PDE3B: variants seen among roughly 807,000 people sequenced by gnomAD.
The protein encoded by PDE3B is phosphodiesterase 3B.
Under a neutral mutation model 116.8 loss-of-function variants are expected in PDE3B, and 66 were observed. The ratio of observed to expected loss-of-function variants is 0.56; its 90% CI spans 0.46 to 0.69. The LOEUF is 0.69. PDE3B is among the 30% of genes least tolerant of loss of function. PDE3B has a pLI of 0.00. For missense variants in PDE3B, 1,384 were observed against 1,368.1 expected (o/e 1.01, Z -0.18); for synonymous variants, 595 against 533.6 (o/e 1.12, Z -1.59).
intron 1 of PDE3B, among the ~76,000 whole-genome samples, chr11:14,656,456 G>T (rs1395553198): frequency 6.6e-6 from 1 of 152,120 alleles, no homozygotes; most frequent in Non-Finnish European, 1.5e-5. Flanking sequence ...GTGAAGAAAA[G>T]AACTGTGGGT....
chr11:14,878,951 T>C, the PDE3B span, among the ~76,000 whole-genome samples: 1 of 152,154 alleles, frequency 6.6e-6, no homozygotes, highest in Non-Finnish European at 1.5e-5. Context: ...AAACAGATGT[T>C]AATTACTTCC....
intron 1 of PDE3B, among the ~76,000 whole-genome samples, chr11:14,677,927 A>G (rs751832470): frequency 2.0e-5 from 3 of 152,054 alleles, no homozygotes; most frequent in Non-Finnish European, 4.4e-5. Context: ...CCATTCATTC[A>G]TCCTTTTTAT....
chr11:14,814,793 C>T (rs1859264653), intron 5 of PDE3B, among the ~76,000 whole-genome samples: 1 of 152,128 alleles, frequency 6.6e-6, no homozygotes, highest in Admixed American at 6.5e-5. Context: ...GACCCCATCT[C>T]TACTAAAAAC....
At chr11:14,818,724 C>A (rs1207913237) in intron 6 of PDE3B, among the ~76,000 whole-genome samples, 1 of 151,774 alleles carries the variant, frequency 6.6e-6, no homozygotes, top group Non-Finnish European at 1.5e-5. Context: ...AAATAAATAT[C>A]TTCTCATTTT....
chr11:14,782,373 C>T (rs1792832328), intron 2 of PDE3B, among the ~76,000 whole-genome samples: 1 of 152,176 alleles, frequency 6.6e-6, no homozygotes. Context: ...TGCAAGCCTA[C>T]AGTAACCAAA....
intron 14 of PDE3B, 98 bp from the exon 15 acceptor site, chr11:14,867,408 T>C (rs748336952): frequency 1.0e-6 from 1 of 959,018 alleles, no homozygotes; most frequent in East Asian, 2.6e-5. Flanking sequence ...TTGATATAGA[T>C]TGTTTATTTT....
chr11:14,680,678 A>G (rs1161798328), intron 1 of PDE3B, among the ~76,000 whole-genome samples: 1 of 152,220 alleles, frequency 6.6e-6, no homozygotes, highest in Non-Finnish European at 1.5e-5. Flanking sequence ...AAGAGTACTC[A>G]TAAATAAGTC....
chr11:14,685,445 T>C (rs1186727681), intron 1 of PDE3B, among the ~76,000 whole-genome samples: 1 of 122,672 alleles, frequency 8.2e-6, no homozygotes, highest in Non-Finnish European at 1.7e-5. Flanking sequence ...ATTTTTCTCA[T>C]CTTTTTTTTT....
At chr11:14,865,106 A>G (rs782096705) in intron 14 of PDE3B, among the ~76,000 whole-genome samples, 27 of 152,168 alleles carry the variant, frequency 1.8e-4, no homozygotes, top group Non-Finnish European at 3.1e-4. Flanking sequence ...TAATAAAGAA[A>G]AGAGAGAAGA....
At chr11:14,721,888 C>T (rs976088103) in intron 1 of PDE3B, among the ~76,000 whole-genome samples, 8 of 131,694 alleles carry the variant, frequency 6.1e-5, no homozygotes, top group Admixed American at 1.6e-4. Context: ...AACTAACCTG[C>T]GCAATGTGCA....
At chr11:14,703,437 G>A (rs1817305728) in intron 1 of PDE3B, among the ~76,000 whole-genome samples, 1 of 151,008 alleles carries the variant, frequency 6.6e-6, no homozygotes, top group Non-Finnish European at 1.5e-5. Flanking sequence ...TTAATACCAG[G>A]AATCTTTTGT....
intron 1 of PDE3B, chr11:14,673,609 G>T (rs1854440554): frequency 3.2e-6 from 2 of 631,432 alleles, no homozygotes; most frequent in African/African-American, 3.6e-5. Context: ...CGGTTCTCAG[G>T]AGGAGCCACT....
chr11:14,652,932 A>G (rs1853609028), intron 1 of PDE3B, among the ~76,000 whole-genome samples: 1 of 152,144 alleles, frequency 6.6e-6, no homozygotes, highest in Non-Finnish European at 1.5e-5. Context: ...CTTTTGATTT[A>G]TTTGTATATT....
intron 4 of PDE3B, among the ~76,000 whole-genome samples, chr11:14,803,541 G>A (rs1214420826): frequency 1.3e-5 from 2 of 152,194 alleles, no homozygotes; most frequent in Admixed American, 1.3e-4. Context: ...GAGACCAGCA[G>A]CCTATGTTTT....
At chr11:14,709,177 A>G (rs1029697178) in intron 1 of PDE3B, among the ~76,000 whole-genome samples, 1 of 152,164 alleles carries the variant, frequency 6.6e-6, no homozygotes, top group Non-Finnish European at 1.5e-5. Flanking sequence ...GTGGTGAGGT[A>G]GTTAAGAGAA....
chr11:14,875,896 G>C (rs965251156), downstream of PDE3B, among the ~76,000 whole-genome samples: 22 of 152,198 alleles, frequency 1.4e-4, no homozygotes, highest in Middle Eastern at 6.8e-3. Context: ...AATTTGTCAG[G>C]CTTACATTAA....
chr11:14,776,842 A>AT (rs1320224865), intron 2 of PDE3B, among the ~76,000 whole-genome samples: 3 of 151,886 alleles, frequency 2.0e-5, no homozygotes, highest in Non-Finnish European at 2.9e-5. Context: ...TTATAGTGAA[A>AT]ATATTGAGGA....
chr11:14,857,022 T>C (rs1555006291), intron 12 of PDE3B, among the ~76,000 whole-genome samples: 1 of 152,228 alleles, frequency 6.6e-6, no homozygotes, highest in Non-Finnish European at 1.5e-5. Flanking sequence ...GGGTTTTCTC[T>C]TTTTGTTCTT....
At chr11:14,761,406 T>G (rs1210656054) in intron 1 of PDE3B, among the ~76,000 whole-genome samples, 1 of 152,206 alleles carries the variant, frequency 6.6e-6, no homozygotes, top group African/African-American at 2.4e-5. Context: ...TTTCTTTAGC[T>G]TATACCTGCC....
Sources: gnomAD v4.1 joint callset for allele counts (sites outside exome capture counted in the v4.1 genomes callset) on GRCh38, gnomAD v4.1.1 for gene constraint, MANE v1.5 for transcripts, NCBI Gene and HGNC (gene_info 2026-07-23, HGNC 2026-07-21) for gene names.